The following SCFD2 variants were observed in gnomAD, a reference collection of about 807,000 sequenced individuals.
The protein encoded by SCFD2 is sec1 family domain containing 2, also known as sec1 family domain-containing protein 2.
SCFD2 carries 54 observed loss-of-function variants against 58.9 expected under a neutral mutation model. The ratio of observed to expected loss-of-function variants is 0.92; its 90% CI spans 0.74 to 1.15. The LOEUF is 1.15. Among genes scored for constraint, SCFD2 ranks in the 50% most tolerant of loss-of-function variants. The pLI, the probability that SCFD2 is intolerant of heterozygous loss-of-function variation, is 0.00. For missense variants in SCFD2, 805 were observed against 836.6 expected, an observed-to-expected ratio of 0.96 and a Z score of 0.47; for synonymous variants, 321 against 335.9, an observed-to-expected ratio of 0.96 and a Z score of 0.49.
At chr4:53,195,590 G>T (rs1458419623) in intron 4 of SCFD2, among the ~76,000 whole-genome samples, 3 of 152,102 alleles carry the variant, frequency 2.0e-5, no homozygotes, top group Admixed American at 6.6e-5. Flanking sequence ...TTTTTAAGGT[G>T]CATTTAAAAT....
chr4:53,185,455 T>G (rs1577817680), intron 4 of SCFD2, among the ~76,000 whole-genome samples: 1 of 152,102 alleles, frequency 6.6e-6, no homozygotes, highest in Non-Finnish European at 1.5e-5. Context: ...TTATGCTATA[T>G]AGTGCTGCTC....
intron 4 of SCFD2, among the ~76,000 whole-genome samples, chr4:53,231,976 A>G (rs572037868): frequency 6.6e-6 from 1 of 152,210 alleles, no homozygotes; most frequent in South Asian, 2.1e-4. Flanking sequence ...TTTTTCTATC[A>G]AAACCAACGT....
chr4:53,352,821 T>C lies in SCFD2; in HGVS notation c.839-55A>G, dbSNP rs536872255. On this transcript the variant is annotated intron_variant, in intron 1 of 8. Transcript: ENST00000401642. ...CATAAAATGGGAGGAAAAAGCAAGT[T>C]GGATAAATGTTTTATCACACACCTT... 3 of 1,460,990 alleles carry C rather than the reference T, an allele frequency of 2.1e-6. No individual in the cohort carries two copies. In the South Asian group the frequency reaches 3.6e-5, roughly 17 times the overall value. 90.5% of individuals were successfully genotyped at this position (1,460,990 alleles called of 1,614,324 possible).
At chr4:53,231,083 A>G (rs1353380716) in intron 4 of SCFD2, among the ~76,000 whole-genome samples, 1 of 152,152 alleles carries the variant, frequency 6.6e-6, no homozygotes, top group Non-Finnish European at 1.5e-5. Context: ...GTATTATTAT[A>G]GGTATATGCA....
chr4:53,348,453 G>T (rs1218613765), intron 2 of SCFD2, among the ~76,000 whole-genome samples: 1 of 152,134 alleles, frequency 6.6e-6, no homozygotes. Flanking sequence ...AATTGTGCTA[G>T]GAAAGTTGTG....
Position 52,884,430 on chromosome 4 carries a change from CA to C in SCFD2, c.1962+1316del, listed in dbSNP as rs1253549719. Among the ~76,000 whole-genome samples the C allele has an allele frequency of 5.4e-4, 76 of 141,970 alleles. 1 individual carries two copies. The highest frequency in any genetic ancestry group is 1.9e-3 in the African/African-American group (72 of 38,028). The allele number at this position is 141,970 out of a possible 152,430, so 93.1% of individuals were successfully genotyped here. A position where few individuals can be genotyped will look rare whatever the true frequency, so the allele number is the denominator to read the frequency against. ...GGGAGGATGAGAGTGGAAGGGAAGA[CA>C]TCCCCAGGCTCTCTGACCTCTGGCA... On this transcript the variant is annotated intron_variant, in intron 8 of 8. Coordinates refer to ENST00000401642, the MANE Select transcript of SCFD2 (RefSeq NM_152540.4).
chr4:53,142,365 T>G (rs1726194884), intron 5 of SCFD2, among the ~76,000 whole-genome samples: 1 of 152,182 alleles, frequency 6.6e-6, no homozygotes, highest in Non-Finnish European at 1.5e-5. Flanking sequence ...TGTTAATCGA[T>G]TCCCTATTTT....
chr4:53,126,202 T>C (rs887354585), intron 5 of SCFD2, among the ~76,000 whole-genome samples: 2 of 152,224 alleles, frequency 1.3e-5, no homozygotes, highest in Admixed American at 6.5e-5. Flanking sequence ...CCTTTGCCAG[T>C]ACTACCTTAG....
Position 53,239,824 on chromosome 4 carries a change from C to A in SCFD2, c.1311+34002G>T, listed in dbSNP as rs567542548. Reference sequence around the variant, plus strand: ...TGCTACTTACATTTCACTGTATAGACCCAAGCTAAATTAAGACATTCTCGA... The same window carrying A: ...TGCTACTTACATTTCACTGTATAGAACCAAGCTAAATTAAGACATTCTCGA... On this transcript the variant is annotated intron_variant, in intron 4 of 8. Transcript: ENST00000401642. 2.0e-5 allele frequency among the ~76,000 whole-genome samples: 3 copies of A among 152,244 alleles called. No homozygotes were observed. In the East Asian group the frequency reaches 5.8e-4, roughly 29 times the overall value.
intron 5 of SCFD2, chr4:52,950,342 G>T (rs1421451208): frequency 6.6e-6 from 1 of 152,184 alleles, no homozygotes; most frequent in African/African-American, 2.4e-5. Flanking sequence ...ATGCAGTTGG[G>T]GTGGAAGGAG....
intron 4 of SCFD2, among the ~76,000 whole-genome samples, chr4:53,200,028 C>T (rs1297059068): frequency 6.6e-6 from 1 of 151,864 alleles, no homozygotes; most frequent in Non-Finnish European, 1.5e-5. Context: ...AGGCATTAAT[C>T]CTATCAGAAG....
chr4:53,237,957 G>A (rs1488245268), intron 4 of SCFD2, among the ~76,000 whole-genome samples: 1 of 112,522 alleles, frequency 8.9e-6, no homozygotes, highest in Non-Finnish European at 1.9e-5. Context: ...GCGAGGGGCT[G>A]ACCCCCCCAC....
chr4:53,282,154 T>C (rs1731527159), intron 3 of SCFD2, among the ~76,000 whole-genome samples: 1 of 152,208 alleles, frequency 6.6e-6, no homozygotes, highest in Non-Finnish European at 1.5e-5. Context: ...TGCAGGTTTG[T>C]TATGAGGTTA....
intron 4 of SCFD2, among the ~76,000 whole-genome samples, chr4:53,194,212 A>G (rs1268688650): frequency 3.3e-5 from 5 of 152,130 alleles, no homozygotes; most frequent in Admixed American, 6.5e-5. Flanking sequence ...TCCATCAACT[A>G]TAGAGCATCC....
chr4:52,986,784 C>G (rs1012793039), intron 5 of SCFD2, among the ~76,000 whole-genome samples: 1 of 151,912 alleles, frequency 6.6e-6, no homozygotes. Flanking sequence ...CAGGTGTGAG[C>G]CACTGCGCTC....
At chr4:53,341,833 C>A (rs1227644469) in intron 2 of SCFD2, among the ~76,000 whole-genome samples, 1 of 152,120 alleles carries the variant, frequency 6.6e-6, no homozygotes, top group African/African-American at 2.4e-5. Context: ...ATTTTCAACC[C>A]AGAATTTCAT....
intron 5 of SCFD2, among the ~76,000 whole-genome samples, chr4:53,030,021 A>G (rs572454263): frequency 3.3e-4 from 50 of 152,340 alleles, no homozygotes; most frequent in Non-Finnish European, 6.2e-4. Context: ...TATTAAAGAC[A>G]CAGTTGAGCG....
chr4:53,196,980 A>G (rs1009770235), intron 4 of SCFD2, among the ~76,000 whole-genome samples: 10 of 152,264 alleles, frequency 6.6e-5, no homozygotes, highest in African/African-American at 2.4e-4. Flanking sequence ...AAGATAGACA[A>G]AAGCATCATT....
At chr4:53,239,261 A>T (rs1729804968) in intron 4 of SCFD2, among the ~76,000 whole-genome samples, 1 of 151,866 alleles carries the variant, frequency 6.6e-6, no homozygotes, top group African/African-American at 2.4e-5. Flanking sequence ...GAGTCAGGAG[A>T]GTCAGGCAGG....
Sources: gnomAD v4.1 joint callset for allele counts (sites outside exome capture counted in the v4.1 genomes callset) on GRCh38, gnomAD v4.1.1 for gene constraint, MANE v1.5 for transcripts, NCBI Gene and HGNC (gene_info 2026-07-23, HGNC 2026-07-21) for gene names.